The following UNC5D variants were observed in gnomAD, a reference collection of about 807,000 sequenced individuals.
UNC5D encodes the protein netrin receptor UNC5D.
UNC5D carries 39 observed loss-of-function variants against 105.4 expected under a neutral mutation model. The observed-to-expected ratio is 0.37, with a 90% CI of 0.29 to 0.48. The LOEUF (loss-of-function observed/expected upper bound fraction) is 0.48. UNC5D is among the 20% of genes least tolerant of loss of function. The pLI, the probability that UNC5D is intolerant of heterozygous loss-of-function variation, is 0.98. For missense variants in UNC5D, 991 were observed against 1,202.4 expected (o/e 0.82, Z 2.60); for synonymous variants, 452 against 450.4 (o/e 1.00, Z -0.04).
At chr8:35,754,206 T>TACAGTAATAGAGTATACAGTA (rs1430922683) in intron 13 of UNC5D, among the ~76,000 whole-genome samples, 4 of 152,194 alleles carry the variant, frequency 2.6e-5, no homozygotes, top group African/African-American at 9.6e-5. Context: ...ACAGTAATAA[T>TACAGTAATAGAGTATACAGTA]ATTTTCTGCA....
In UNC5D at chr8:35,792,902, C is replaced by T. The variant is rs1803105912; in HGVS notation, c.*2339C>T. On this transcript the variant is annotated 3_prime_UTR_variant, in exon 17 of 17. Coordinates refer to ENST00000404895, the MANE Select transcript of UNC5D (RefSeq NM_080872.4). ...CTAAATGATTTTCCCTCAAATCTAT[C>T]TAGATTATTTTAAGATGAGACAAGA... 2.5e-6 allele frequency: 1 copy of T among 404,326 alleles called. No individual in the cohort carries two copies. Among genetic ancestry groups the T allele is most frequent in the Non-Finnish European group, 4.8e-6 (1 of 209,574 alleles). The allele number at this position is 404,326 out of a possible 1,614,324, so 25.0% of individuals were successfully genotyped here.
At chr8:35,757,739 G>A (rs1351889939) in intron 13 of UNC5D, among the ~76,000 whole-genome samples, 1 of 152,136 alleles carries the variant, frequency 6.6e-6, no homozygotes, top group Non-Finnish European at 1.5e-5. Context: ...ACCAGAGACT[G>A]CCTAATGTCT....
rs1040278086 is a variant in UNC5D, at chr8:35,715,738, C to G, written c.1118-6472C>G. Among the ~76,000 whole-genome samples the G allele has an allele frequency of 2.0e-5, 3 of 151,512 alleles. No individual in the cohort carries two copies. The South Asian group carries it at 6.3e-4, about 32-fold the overall frequency. ...GGAGGAAAAATTTGAAGATGCAAGA[C>G]CAAAAGAGAATAATGAATGAGGCCA... On this transcript the variant is annotated intron_variant, in intron 8 of 16. Transcript: ENST00000404895.
chr8:35,555,820 A>G (rs1408745646), intron 2 of UNC5D, among the ~76,000 whole-genome samples: 2 of 143,896 alleles, frequency 1.4e-5, no homozygotes, highest in Non-Finnish European at 3.0e-5. Flanking sequence ...GCAAGACTCC[A>G]CCTCAAAAAA....
intron 1 of UNC5D, among the ~76,000 whole-genome samples, chr8:35,457,008 C>T (rs1479512128): frequency 6.6e-6 from 1 of 152,168 alleles, no homozygotes; most frequent in Non-Finnish European, 1.5e-5. Context: ...TTTGAGTTTT[C>T]ACTCAAATTT....
rs1919341 is a variant in UNC5D, at chr8:35,314,817, C to T, written c.103+78930C>T. On this transcript the variant is annotated intron_variant, in intron 1 of 16. Coordinates refer to ENST00000404895, the MANE Select transcript of UNC5D (RefSeq NM_080872.4). ...GGAGCTTGTAAAATGGTGTAGGTGGCAAATCTATAGATAATAACAGTACAA... is the reference window on the plus strand; with the variant it reads ...GGAGCTTGTAAAATGGTGTAGGTGGTAAATCTATAGATAATAACAGTACAA... Among the ~76,000 whole-genome samples, 440 of 152,114 alleles carry T rather than the reference C, an allele frequency of 2.9e-3. 14 individuals are homozygous for T. Among genetic ancestry groups the T allele is most frequent in the Admixed American group, 0.024 (361 of 15,258 alleles).
chr8:35,658,249 T>C (rs1220158539), intron 4 of UNC5D, among the ~76,000 whole-genome samples: 1 of 152,170 alleles, frequency 6.6e-6, no homozygotes, highest in Non-Finnish European at 1.5e-5. Context: ...TCTTTTAAAA[T>C]CTTAAGTGGA....
At chr8:35,407,518 T>C (rs1480758791) in intron 1 of UNC5D, among the ~76,000 whole-genome samples, 7 of 151,618 alleles carry the variant, frequency 4.6e-5, no homozygotes, top group Non-Finnish European at 1.0e-4. Context: ...TGTATGTATG[T>C]ATGTATGTAT....
chr8:35,487,210 G>A lies in UNC5D; in HGVS notation c.104-62082G>A, dbSNP rs933594800. Among the ~76,000 whole-genome samples, 5 of 145,882 alleles carry A rather than the reference G, an allele frequency of 3.4e-5. No individual in the cohort carries two copies. The East Asian group carries it at 9.7e-4, about 28-fold the overall frequency. On this transcript the variant is annotated intron_variant, in intron 1 of 16. Transcript: ENST00000404895. Reference sequence around the variant, plus strand: ...GAAATTGAGATGATATTGCATGACGGTTAGTTCTTTGTGTCAATATGGCTG... The same window carrying A: ...GAAATTGAGATGATATTGCATGACGATTAGTTCTTTGTGTCAATATGGCTG...
At chr8:35,774,205 ATG>A (rs1167774910) in intron 15 of UNC5D, 92 bp from the exon 16 acceptor site, 14 of 1,406,842 alleles carry the variant, frequency 1.0e-5, no homozygotes, top group African/African-American at 4.3e-5. Flanking sequence ...CATTTTGTGC[ATG>A]TGTGTTAACC....
At chr8:35,382,750 T>G (rs1266399299) in intron 1 of UNC5D, among the ~76,000 whole-genome samples, 1 of 152,208 alleles carries the variant, frequency 6.6e-6, no homozygotes. Context: ...CTCGCCAGCT[T>G]ACACACTGCT....
chr8:35,494,679 A>C (rs1811435057), intron 1 of UNC5D, among the ~76,000 whole-genome samples: 1 of 152,218 alleles, frequency 6.6e-6, no homozygotes, highest in South Asian at 2.1e-4. Context: ...GCATAAGTTG[A>C]GTCAGTGTTT....
chr8:35,450,438 T>C (rs1808071072), intron 1 of UNC5D, among the ~76,000 whole-genome samples: 1 of 152,166 alleles, frequency 6.6e-6, no homozygotes, highest in Non-Finnish European at 1.5e-5. Context: ...TGATATCTAT[T>C]TATAATATCA....
intron 1 of UNC5D, among the ~76,000 whole-genome samples, chr8:35,269,708 C>T (rs1805143036): frequency 6.6e-6 from 1 of 152,164 alleles, no homozygotes; most frequent in African/African-American, 2.4e-5. Context: ...CTCCCATCGC[C>T]GGTTTGGGTA....
Position 35,248,754 on chromosome 8 carries a change from AAT to A in UNC5D, c.103+12875_103+12876del, listed in dbSNP as rs1208179027. Among the ~76,000 whole-genome samples, 7 of 99,098 alleles carry A rather than the reference AAT, an allele frequency of 7.1e-5. No individual in the cohort carries two copies. In the South Asian group the frequency reaches 1.6e-3, roughly 23 times the overall value. 65.0% of individuals were successfully genotyped at this position (99,098 alleles called of 152,430 possible). A position where few individuals can be genotyped will look rare whatever the true frequency, so the allele number is the denominator to read the frequency against. On this transcript the variant is annotated intron_variant, in intron 1 of 16. Coordinates refer to ENST00000404895, the MANE Select transcript of UNC5D (RefSeq NM_080872.4). The stretch of plus-strand genomic sequence containing the variant: ...ATATATAATATATATAAAATATATA[AAT>A]ATATATAATATATTATATAAATATA...
chr8:35,705,422 G>A (rs1331338606), intron 7 of UNC5D, among the ~76,000 whole-genome samples: 1 of 152,234 alleles, frequency 6.6e-6, no homozygotes, highest in Non-Finnish European at 1.5e-5. Context: ...AAACTAACGT[G>A]TTCACCGTGC....
At chr8:35,756,561 A>G (rs938393855) in intron 13 of UNC5D, among the ~76,000 whole-genome samples, 4 of 150,132 alleles carry the variant, frequency 2.7e-5, no homozygotes, top group South Asian at 2.1e-4. Flanking sequence ...TAAAAAAAAA[A>G]AAAAAAGAAA....
chr8:35,690,217 A>C (rs1000203511), intron 7 of UNC5D, among the ~76,000 whole-genome samples: 2 of 152,194 alleles, frequency 1.3e-5, no homozygotes, highest in African/African-American at 4.8e-5. Context: ...GAAGTCTATG[A>C]GATTATTGAT....
chr8:35,757,057 A>T (rs569172711), intron 13 of UNC5D, among the ~76,000 whole-genome samples: 1 of 152,092 alleles, frequency 6.6e-6, no homozygotes, highest in African/African-American at 2.4e-5. Flanking sequence ...ATATATTATC[A>T]TATTAATTAT....
Sources: allele counts gnomAD v4.1 joint callset (sites outside exome capture counted in the v4.1 genomes callset), GRCh38; gene constraint gnomAD v4.1.1; transcripts MANE v1.5; gene names NCBI Gene and HGNC (gene_info 2026-07-23, HGNC 2026-07-21).